AHRR: variants seen among roughly 807,000 people sequenced by gnomAD.
AHRR encodes the protein aryl hydrocarbon receptor repressor.
AHRR carries 28 observed loss-of-function variants against 44.0 expected under a neutral mutation model. That is an observed-to-expected ratio of 0.64 (90% CI 0.47 to 0.87). The LOEUF (loss-of-function observed/expected upper bound fraction) is 0.87, where lower values mean the gene tolerates loss of function less well. Among genes scored for constraint, AHRR ranks in the 40% least tolerant of loss-of-function variants. The pLI, the probability that AHRR is intolerant of heterozygous loss-of-function variation, is 0.00. For missense variants in AHRR, 990 were observed against 953.9 expected (o/e 1.04, Z -0.50); for synonymous variants, 434 against 407.0 (o/e 1.07, Z -0.80).
intron 3 of AHRR, among the ~76,000 whole-genome samples, chr5:371,830 C>T (rs900830195): frequency 4.6e-5 from 7 of 152,186 alleles, no homozygotes; most frequent in African/African-American, 9.7e-5. Context: ...GCCGCCTGCT[C>T]CTCTCTCCCT....
chr5:376,557 A>AACGCGGGGAAACACAGGAATGAT, intron 3 of AHRR, 53 bp from the exon 4 acceptor site: 3 of 1,423,182 alleles, frequency 2.1e-6, no homozygotes, highest in Non-Finnish European at 2.8e-6. Flanking sequence ...AATGAAGAAG[A>AACGCGGGGAAACACAGGAATGAT]GTGGCCAGGC....
chr5:393,706 T>G (rs1734576017), intron 4 of AHRR, among the ~76,000 whole-genome samples: 1 of 152,150 alleles, frequency 6.6e-6, no homozygotes, highest in East Asian at 1.9e-4. Flanking sequence ...GGTACGATCT[T>G]GGCTCACTGC....
chr5:365,761 C>T (rs1743334719), intron 3 of AHRR, among the ~76,000 whole-genome samples: 1 of 151,938 alleles, frequency 6.6e-6, no homozygotes, highest in Non-Finnish European at 1.5e-5. Context: ...AGTTTGAAAA[C>T]ATAAATGAAA....
rs189610059 is a variant in AHRR at position 404,436 on chromosome 5, G to T, written c.352-8908G>T. On this transcript the variant is annotated intron_variant, in intron 4 of 10. Coordinates refer to ENST00000684583, the MANE Select transcript of AHRR (RefSeq NM_001377236.1). The surrounding 1 kb of genome is among the most constrained non-coding windows in gnomAD (Gnocchi z 4.1). ...GAGTCTTGGGGCAGAAGCAACAGGG[G>T]ACCACTGTGCTGGTGCTGTCGTGCA... 526 of 537,458 alleles carry T rather than the reference G, an allele frequency of 9.8e-4. 2 individuals carry two copies. Among genetic ancestry groups the T allele is most frequent in the Middle Eastern group, 7.5e-3 (18 of 2,406 alleles). The allele number at this position is 537,458 out of a possible 1,614,324, so 33.3% of individuals were successfully genotyped here.
intron 8 of AHRR, among the ~76,000 whole-genome samples, chr5:431,628 C>T (rs930075307): frequency 6.6e-6 from 1 of 152,020 alleles, no homozygotes; most frequent in African/African-American, 2.4e-5. Flanking sequence ...CCCCCAGCAG[C>T]GGCCCCTAGC....
chr5:359,918 C>T (rs1743119052), intron 3 of AHRR, among the ~76,000 whole-genome samples: 1 of 152,160 alleles, frequency 6.6e-6, no homozygotes, highest in Non-Finnish European at 1.5e-5. Context: ...TTGTGTAAAC[C>T]CAGGCCTGAA....
intron 3 of AHRR, among the ~76,000 whole-genome samples, chr5:360,349 T>A (rs1435219324): frequency 1.3e-5 from 2 of 152,186 alleles, no homozygotes; most frequent in African/African-American, 4.8e-5. Context: ...GAAAGCCCAT[T>A]CCTGTTGTTT....
At chr5:335,205 T>C (rs1693685427) in intron 1 of AHRR, among the ~76,000 whole-genome samples, 1 of 152,162 alleles carries the variant, frequency 6.6e-6, no homozygotes, top group African/African-American at 2.4e-5. Flanking sequence ...CTAGTTGTAG[T>C]AGCAGTGTAC....
intron 1 of AHRR, among the ~76,000 whole-genome samples, chr5:332,523 C>T (rs1311636286): frequency 1.3e-5 from 2 of 152,094 alleles, no homozygotes; most frequent in Non-Finnish European, 2.9e-5. Context: ...GCCTCGGCCT[C>T]CCAAAGTGCT....
chr5:418,723 G>A (rs1735939638), intron 5 of AHRR: 1 of 152,428 alleles, frequency 6.6e-6, no homozygotes, highest in Non-Finnish European at 1.5e-5. Flanking sequence ...AGCTGCTCTG[G>A]CGCAGGAGGC....
intron 4 of AHRR, among the ~76,000 whole-genome samples, chr5:392,353 A>G (rs112333758): frequency 8.7e-5 from 10 of 114,626 alleles, no homozygotes; most frequent in Admixed American, 1.7e-4. Context: ...AGGGCGAGGC[A>G]GGGCCAGAGC....
rs953816180 is a variant in AHRR at position 417,386 on chromosome 5, C to T, written c.441+3953C>T. 6.8e-5 allele frequency among the ~76,000 whole-genome samples: 10 copies of T among 147,846 alleles called. No individual in the cohort carries two copies. In the East Asian group the frequency reaches 8.0e-4, roughly 12 times the overall value. ...CGGCTTGGTCCGTATGTGCAGGGCCCGAGTTTAGAGAAGGTGGCTTGGTCT... is the reference window on the plus strand; with the variant it reads ...CGGCTTGGTCCGTATGTGCAGGGCCTGAGTTTAGAGAAGGTGGCTTGGTCT... On this transcript the variant is annotated intron_variant, in intron 5 of 10. Transcript: ENST00000684583.
At chr5:353,678 G>A in intron 2 of AHRR, 52 bp from the exon 3 acceptor site, 1 of 1,544,450 alleles carries the variant, frequency 6.5e-7, no homozygotes, top group South Asian at 1.2e-5. Context: ...GCCCCAGGGG[G>A]CCTGTGGCTT....
At chr5:340,118 T>C (rs1172747901) in intron 1 of AHRR, among the ~76,000 whole-genome samples, 1 of 152,242 alleles carries the variant, frequency 6.6e-6, no homozygotes, top group Non-Finnish European at 1.5e-5. Context: ...AGAATTGGTA[T>C]TATTTCTTTA....
chr5:390,069 A>T (rs1329790068), intron 4 of AHRR, among the ~76,000 whole-genome samples: 1 of 152,108 alleles, frequency 6.6e-6, no homozygotes, highest in African/African-American at 2.4e-5. Context: ...CGGGACGAAG[A>T]AAAGACAGAG....
rs1280763493 is a variant in AHRR at position 428,551 on chromosome 5, G to T, written c.908+545G>T. Among the ~76,000 whole-genome samples, 5 of 152,248 alleles carry T rather than the reference G, an allele frequency of 3.3e-5. No homozygotes were observed. The South Asian group carries it at 6.2e-4, about 19-fold the overall frequency. On this transcript the variant is annotated intron_variant, in intron 8 of 10. Transcript: ENST00000684583. ...AAACACCCTGTTGGTCCCCGAGCTT[G>T]TTGGTACTAGGGACCAGTTTGGTGG... is the stretch of plus-strand genomic sequence containing the variant.
intron 2 of AHRR, among the ~76,000 whole-genome samples, chr5:344,960 AGGTTGGGGGCTGTGTGGGG>A: frequency 2.5e-4 from 1 of 4,066 alleles, no homozygotes; most frequent in Non-Finnish European, 4.5e-4. Context: ...TGTGTGTGTG[AGGTTGGGGGCTGTGTGGGG>A]TGTGTGTGAG....
chr5:415,410 T>TGGGGC (rs1735706687), intron 5 of AHRR, among the ~76,000 whole-genome samples: 1 of 26,752 alleles, frequency 3.7e-5, no homozygotes. Context: ...CCTGGTCGGG[T>TGGGGC]GGGAGGCCTA....
intron 1 of AHRR, among the ~76,000 whole-genome samples, chr5:332,064 T>C (rs1276309889): frequency 1.3e-5 from 2 of 152,198 alleles, no homozygotes. Context: ...AATCTCTTTG[T>C]TGACCCAGGA....
Sources: gnomAD v4.1 joint callset for allele counts (sites outside exome capture counted in the v4.1 genomes callset) on GRCh38, gnomAD v4.1.1 for gene constraint, Gnocchi (gnomAD v3.1) non-coding constraint, MANE v1.5 for transcripts, NCBI Gene and HGNC (gene_info 2026-07-23, HGNC 2026-07-21) for gene names.